The following SYTL5 variants were observed in gnomAD, a reference collection of about 807,000 sequenced individuals.
SYTL5 encodes synaptotagmin like 5, also known as synaptotagmin-like protein 5.
In SYTL5, 34 loss-of-function variants were observed where a neutral mutation model predicts 55.9. The ratio of observed to expected loss-of-function variants is 0.61; its 90% CI spans 0.46 to 0.81. SYTL5 has a LOEUF of 0.81. SYTL5 is among the 30% of genes least tolerant of loss of function. SYTL5 has a pLI of 0.00. For missense variants in SYTL5, 637 were observed against 546.7 expected, an observed-to-expected ratio of 1.17 and a Z score of -1.65; for synonymous variants, 221 against 188.7, an observed-to-expected ratio of 1.17 and a Z score of -1.40.
intron 1 of SYTL5, among the ~76,000 whole-genome samples, chrX:38,008,203 T>A (rs752186206): frequency 2.6e-4 from 29 of 112,220 alleles, no homozygotes; most frequent in Non-Finnish European, 3.8e-4. Flanking sequence ...TAGCTAATCA[T>A]CTTTAATACA....
the SYTL5 span, among the ~76,000 whole-genome samples, chrX:37,920,632 C>T: frequency 9.0e-6 from 1 of 111,150 alleles, no homozygotes; most frequent in Non-Finnish European, 1.9e-5. Context: ...TCAGCCTTTG[C>T]CCACCATTCT....
the SYTL5 span, among the ~76,000 whole-genome samples, chrX:37,914,421 C>T: frequency 1.8e-5 from 2 of 111,751 alleles, no homozygotes; most frequent in African/African-American, 6.5e-5. Context: ...TGCAAGAACA[C>T]AGATGCATAT....
At chrX:37,908,106 G>A in the SYTL5 span, among the ~76,000 whole-genome samples, 3 of 75,536 alleles carry the variant, frequency 4.0e-5, no homozygotes, top group Non-Finnish European at 7.3e-5. Flanking sequence ...GACAGGGTAA[G>A]ACCCTGTCTC....
intron 2 of SYTL5, among the ~76,000 whole-genome samples, chrX:38,044,417 A>T (rs1935397888): frequency 8.9e-6 from 1 of 112,161 alleles, no homozygotes; most frequent in East Asian, 2.8e-4. Flanking sequence ...CACAAATTCA[A>T]TTTAGAGTCA....
chrX:37,963,349 C>T, the SYTL5 span, among the ~76,000 whole-genome samples: 1 of 102,332 alleles, frequency 9.8e-6, no homozygotes, highest in African/African-American at 3.6e-5. Flanking sequence ...AGTGCAGTGG[C>T]GTGATCTCAG....
chrX:37,907,201 C>A, the SYTL5 span, among the ~76,000 whole-genome samples: 1 of 111,344 alleles, frequency 9.0e-6, no homozygotes, highest in Non-Finnish European at 1.9e-5. Flanking sequence ...CAGAAAACAA[C>A]CCTGCTGATA....
the SYTL5 span, among the ~76,000 whole-genome samples, chrX:37,913,472 A>C: frequency 8.9e-6 from 1 of 112,575 alleles, no homozygotes; most frequent in Non-Finnish European, 1.9e-5. Context: ...TTAAGCCGTT[A>C]GTCCATTAAC....
chrX:37,999,445 A>G, the SYTL5 span, among the ~76,000 whole-genome samples: 47 of 112,540 alleles, frequency 4.2e-4, no homozygotes, highest in African/African-American at 1.2e-3. Flanking sequence ...AACTTATTAA[A>G]GCAAACTCTA....
In SYTL5 at chrX:38,019,371, C is replaced by A. The variant is rs138445228; in HGVS notation, c.-357+12703C>A. Among the ~76,000 whole-genome samples the A allele has an allele frequency of 2.9e-3, 324 of 111,981 alleles. 1 individual carries two copies. The highest frequency in any genetic ancestry group is 0.014 in the Middle Eastern group (3 of 218). On this transcript the variant is annotated intron_variant, in intron 1 of 16. Coordinates refer to ENST00000297875, the MANE Select transcript of SYTL5 (RefSeq NM_138780.3). ...GACCTGGAGTTAGTCACTATTTCTT[C>A]TGGACTAGTTGTGTGTTCTTATGAC...
At chrX:37,965,237 C>A in the SYTL5 span, among the ~76,000 whole-genome samples, 1 of 111,203 alleles carries the variant, frequency 9.0e-6, no homozygotes, top group Non-Finnish European at 1.9e-5. Flanking sequence ...TTTTGCTGGA[C>A]CCCATATAGT....
At chrX:38,091,066 A>G (rs753518587) in intron 7 of SYTL5, among the ~76,000 whole-genome samples, 63 of 112,236 alleles carry the variant, frequency 5.6e-4, no homozygotes, top group Admixed American at 1.4e-3. Context: ...TGGAGGTTTT[A>G]GAGCAGAAGA....
At chrX:38,088,696 C>A (rs1936718902) in intron 6 of SYTL5, among the ~76,000 whole-genome samples, 1 of 112,095 alleles carries the variant, frequency 8.9e-6, no homozygotes. Context: ...AAATGTGCAC[C>A]ATGAATTAGA....
At chrX:37,938,174 T>G in the SYTL5 span, among the ~76,000 whole-genome samples, 1 of 112,383 alleles carries the variant, frequency 8.9e-6, no homozygotes, top group African/African-American at 3.2e-5. Context: ...TGTACAGGTT[T>G]GGAAAGTTTT....
At chrX:37,981,121 A>G in the SYTL5 span, among the ~76,000 whole-genome samples, 7 of 112,146 alleles carry the variant, frequency 6.2e-5, no homozygotes, top group Non-Finnish European at 1.9e-5. Context: ...TATTTGCAAG[A>G]GGAAGTGGAG....
At chrX:38,030,236 C>G (rs1364989683) in intron 1 of SYTL5, among the ~76,000 whole-genome samples, 3 of 111,718 alleles carry the variant, frequency 2.7e-5, no homozygotes, top group African/African-American at 9.7e-5. Flanking sequence ...CAACAAAGTT[C>G]TCTCATAATA....
intron 1 of SYTL5, among the ~76,000 whole-genome samples, chrX:38,011,354 G>A (rs190378857): frequency 4.5e-5 from 5 of 111,693 alleles, no homozygotes; most frequent in African/African-American, 1.6e-4. Context: ...ACTGCTGGCC[G>A]GGCGCGGTGG....
chrX:37,995,604 C>A, the SYTL5 span, among the ~76,000 whole-genome samples: 1 of 111,991 alleles, frequency 8.9e-6, no homozygotes, highest in Non-Finnish European at 1.9e-5. Flanking sequence ...CCAGCATCTA[C>A]AGGAAGGAAG....
intron 2 of SYTL5, among the ~76,000 whole-genome samples, chrX:38,037,808 AG>A (rs1935151736): frequency 9.1e-6 from 1 of 109,911 alleles, no homozygotes; most frequent in Non-Finnish European, 1.9e-5. Flanking sequence ...ATAGATAGAT[AG>A]ATAGATAGAT....
rs1393505217 is a variant in SYTL5, at chrX:38,120,390, C to T, written c.1629C>T (p.Tyr543=). The T allele has an allele frequency of 1.4e-5, 17 of 1,209,126 alleles. No homozygotes were observed. The highest frequency in any genetic ancestry group is 1.8e-5 in the African/African-American group (1 of 57,117). Residue 543 remains tyrosine, a synonymous_variant, in exon 14 of 17, where the codon TAC becomes TAT. Coordinates refer to ENST00000297875, the MANE Select transcript of SYTL5 (RefSeq NM_138780.3). ...TTGCTCCTGATATTGGCCTTCAATA[C>T]AAAGGAGAGCTGACAGTTGTTTTAC... The part of the protein sequence containing the change: ...VEFAPDIGLQ[Y]KGELTVVLRY...
Sources: gnomAD v4.1 joint callset for allele counts (sites outside exome capture counted in the v4.1 genomes callset) on GRCh38, gnomAD v4.1.1 for gene constraint, MANE v1.5 for transcripts, NCBI Gene and HGNC (gene_info 2026-07-23, HGNC 2026-07-21) for gene names.